The following MINDY2 variants were observed in gnomAD, a reference collection of about 807,000 sequenced individuals.
MINDY2 encodes ubiquitin carboxyl-terminal hydrolase MINDY-2.
MINDY2 carries 52 observed loss-of-function variants against 68.2 expected under a neutral mutation model. The observed-to-expected ratio is 0.76, with a 90% CI of 0.61 to 0.96. The LOEUF is 0.96. MINDY2 is among the 40% of genes least tolerant of loss of function. The pLI, the probability that MINDY2 is intolerant of heterozygous loss-of-function variation, is 0.00. For synonymous variants in MINDY2, 372 were observed against 303.0 expected (o/e 1.23, Z -2.36); for missense variants, 881 against 773.4 (o/e 1.14, Z -1.65).
At chr15:58,809,578 A>G (rs2030075765) in intron 3 of MINDY2, among the ~76,000 whole-genome samples, 1 of 152,204 alleles carries the variant, frequency 6.6e-6, no homozygotes, top group Non-Finnish European at 1.5e-5. Context: ...TAGATTCACC[A>G]GTAGGAGAGG....
At chr15:58,809,353 C>T (rs1188835117) in intron 3 of MINDY2, among the ~76,000 whole-genome samples, 2 of 152,138 alleles carry the variant, frequency 1.3e-5, no homozygotes, top group Non-Finnish European at 2.9e-5. Context: ...TGGCTTATTT[C>T]ACTCAGCATG....
chr15:58,780,553 G>A (rs1431901413), intron 1 of MINDY2, among the ~76,000 whole-genome samples: 1 of 152,222 alleles, frequency 6.6e-6, no homozygotes, highest in African/African-American at 2.4e-5. Flanking sequence ...GTGGACAGTA[G>A]GTCTGGGGCA....
At chr15:58,823,139 C>CTT (rs74641422) in intron 5 of MINDY2, among the ~76,000 whole-genome samples, 7 of 132,054 alleles carry the variant, frequency 5.3e-5, no homozygotes, top group South Asian at 2.5e-4. Flanking sequence ...TTTTTTTTTT[C>CTT]TTTTTTTTTT....
chr15:58,804,479 G>C (rs1157814396), intron 3 of MINDY2, among the ~76,000 whole-genome samples: 1 of 152,068 alleles, frequency 6.6e-6, no homozygotes, highest in Admixed American at 6.6e-5. Context: ...CTAATCCTGA[G>C]AAAATCTTGA....
At position 58,790,590 on chromosome 15, in the gene MINDY2, G is replaced by GGT. The variant is rs1567043332; in HGVS notation, c.898+2628_898+2629insTG. ...TTTATGTTGACAATAGACCTTAGTGGGGGGTAAGACAAGTGGGAAAACTAT... is the reference window on the plus strand; with the variant it reads ...TTTATGTTGACAATAGACCTTAGTGGGTGGGGTAAGACAAGTGGGAAAACTAT... On this transcript the variant is annotated intron_variant, in intron 2 of 8. Coordinates refer to ENST00000559228, the MANE Select transcript of MINDY2 (RefSeq NM_001040450.3). 5.0e-3 allele frequency among the ~76,000 whole-genome samples: 765 copies of GGT among 152,144 alleles called. 7 individuals carry two copies. Among genetic ancestry groups the GGT allele is most frequent in the African/African-American group, 0.018 (731 of 41,502 alleles).
intron 4 of MINDY2, among the ~76,000 whole-genome samples, chr15:58,813,542 G>T (rs2030451062): frequency 6.6e-6 from 1 of 152,232 alleles, no homozygotes; most frequent in East Asian, 1.9e-4. Flanking sequence ...CATTTCTCTG[G>T]GTTAAATGCC....
At position 58,854,580 on chromosome 15, in the gene MINDY2, A is replaced by T. The variant is rs1248240184; in HGVS notation, c.1836A>T (p.Glu612Asp). The T allele has an allele frequency of 1.9e-6, 3 of 1,612,188 alleles. No homozygotes were observed. Among genetic ancestry groups the T allele is most frequent in the African/African-American group, 1.3e-5 (1 of 74,906 alleles). ...CACGAGAAAAAGATAAAGAAAAAGAAAAGGAAAAAAATAGCTGTGTTATTT... is the reference window on the plus strand; with the variant it reads ...CACGAGAAAAAGATAAAGAAAAAGATAAGGAAAAAAATAGCTGTGTTATTT... ...KEPREKDKEK[E>D]KEKNSCVIL The change falls in exon 9 of 9, where the codon GAA (glutamate) becomes GAT (aspartate). Residue 612 changes from glutamate (E) to aspartate (D), a missense_variant. Coordinates refer to ENST00000559228, the MANE Select transcript of MINDY2 (RefSeq NM_001040450.3).
intron 7 of MINDY2, among the ~76,000 whole-genome samples, chr15:58,851,417 GTTTTC>G (rs1177384057): frequency 1.3e-5 from 2 of 151,860 alleles, no homozygotes; most frequent in Non-Finnish European, 2.9e-5. Context: ...ATTTTATATT[GTTTTC>G]TTTTTCTTTT....
At chr15:58,789,289 G>A (rs1167315401) in intron 2 of MINDY2, among the ~76,000 whole-genome samples, 1 of 152,054 alleles carries the variant, frequency 6.6e-6, no homozygotes, top group South Asian at 2.1e-4. Flanking sequence ...AGTGAGCCGA[G>A]ATTGCACCAC....
intron 7 of MINDY2, among the ~76,000 whole-genome samples, chr15:58,849,159 A>G (rs529326651): frequency 1.3e-5 from 2 of 151,906 alleles, no homozygotes; most frequent in East Asian, 3.9e-4. Flanking sequence ...GCAGTGAGCC[A>G]AGATCATGCC....
chr15:58,819,482 G>A (rs1466002078), intron 4 of MINDY2, among the ~76,000 whole-genome samples: 1 of 151,976 alleles, frequency 6.6e-6, no homozygotes, highest in East Asian at 1.9e-4. Flanking sequence ...ACAGAGCGTG[G>A]GAGACAGAGT....
In MINDY2 at chr15:58,771,485, A is replaced by G. The variant is rs879195007; in HGVS notation, c.90A>G (p.Leu30=). Residue 30 remains leucine (L), a synonymous_variant, in exon 1 of 9, where the codon CTA becomes CTG. Coordinates refer to ENST00000559228, the MANE Select transcript of MINDY2 (RefSeq NM_001040450.3). ...GGACAGGTTCTTCGCAGGAAGGGCT[A>G]CAGGAGACCAGGCTCGCCGCTGGTG... The part of the protein sequence containing the change: ...ASGTGSSQEG[L]QETRLAAGDG... 6 of 1,612,348 alleles carry G rather than the reference A, an allele frequency of 3.7e-6. No individual in the cohort carries two copies. The highest frequency in any genetic ancestry group is 1.7e-5 in the Admixed American group (1 of 59,986).
intron 4 of MINDY2, among the ~76,000 whole-genome samples, chr15:58,820,289 CAAAA>C (rs1393580095): frequency 6.6e-6 from 1 of 150,928 alleles, no homozygotes; most frequent in Non-Finnish European, 1.5e-5. Flanking sequence ...AACAAACAAA[CAAAA>C]ATTAGTCAGG....
chr15:58,783,374 A>C (rs1901283607), intron 1 of MINDY2, among the ~76,000 whole-genome samples: 1 of 152,192 alleles, frequency 6.6e-6, no homozygotes, highest in African/African-American at 2.4e-5. Flanking sequence ...ATTTAAAAAC[A>C]TTATTTGGCT....
At chr15:58,790,265 C>T (rs997120385) in intron 2 of MINDY2, among the ~76,000 whole-genome samples, 1 of 151,190 alleles carries the variant, frequency 6.6e-6, no homozygotes, top group African/African-American at 2.4e-5. Flanking sequence ...GTTTTTTTTT[C>T]CCCATGGGAC....
At chr15:58,783,993 T>C (rs1299473518) in intron 1 of MINDY2, among the ~76,000 whole-genome samples, 3 of 152,006 alleles carry the variant, frequency 2.0e-5, no homozygotes, top group African/African-American at 7.2e-5. Context: ...GGAGTAGCTA[T>C]TTTCTTTTAT....
At chr15:58,832,596 T>A (rs1331772105) in intron 6 of MINDY2, among the ~76,000 whole-genome samples, 1 of 150,752 alleles carries the variant, frequency 6.6e-6, no homozygotes, top group Admixed American at 6.6e-5. Flanking sequence ...ATGGCGTGAT[T>A]TCAGTTCACC....
In MINDY2 at chr15:58,831,841, A is replaced by G; in HGVS notation, c.1293A>G (p.Leu431=). Residue 431 remains leucine, a synonymous_variant, in exon 6 of 9, where the codon CTA becomes CTG. Transcript: ENST00000559228. ...TGACATACCATGGATTATGTGAACT[A>G]ACTTCAACGGTTCAGGAAGGAGAAC... The part of the protein sequence containing the change: ...TQLTYHGLCE[L]TSTVQEGELC... 1.2e-6 allele frequency: 2 copies of G among 1,613,794 alleles called. No homozygotes were observed. Among genetic ancestry groups the G allele is most frequent in the Non-Finnish European group, 1.7e-6 (2 of 1,179,828 alleles).
chr15:58,804,935 C>A (rs1902915309), intron 3 of MINDY2, among the ~76,000 whole-genome samples: 1 of 152,076 alleles, frequency 6.6e-6, no homozygotes, highest in Admixed American at 6.6e-5. Context: ...CAAGACCAAT[C>A]CGGGTGTGAT....
Sources: gnomAD v4.1 joint callset for allele counts (sites outside exome capture counted in the v4.1 genomes callset) on GRCh38, gnomAD v4.1.1 for gene constraint, MANE v1.5 for transcripts, NCBI Gene and HGNC (gene_info 2026-07-23, HGNC 2026-07-21) for gene names.